The following HOMER1 variants were observed in gnomAD, a reference collection of about 807,000 sequenced individuals.
HOMER1 encodes the protein homer scaffold protein 1.
HOMER1 carries 3 observed loss-of-function variants against 48.9 expected under a neutral mutation model. The ratio of observed to expected loss-of-function variants is 0.06; its 90% CI spans 0.03 to 0.16. The LOEUF (loss-of-function observed/expected upper bound fraction) is 0.16. HOMER1 is among the 10% of genes least tolerant of loss of function. The pLI is 1.00. For synonymous variants in HOMER1, 134 were observed against 146.4 expected, an observed-to-expected ratio of 0.92 and a Z score of 0.61; for missense variants, 247 against 411.4, an observed-to-expected ratio of 0.60 and a Z score of 3.46.
intron 1 of HOMER1, among the ~76,000 whole-genome samples, chr5:79,490,388 A>T (rs188029143): frequency 6.6e-6 from 1 of 152,200 alleles, no homozygotes; most frequent in Non-Finnish European, 1.5e-5. Context: ...TTAATAAATA[A>T]GACCAAATCA....
At chr5:79,433,892 C>T (rs1313727649) in intron 5 of HOMER1, among the ~76,000 whole-genome samples, 1 of 152,130 alleles carries the variant, frequency 6.6e-6, no homozygotes, top group Non-Finnish European at 1.5e-5. Flanking sequence ...TTTCTGCATA[C>T]ATCCTTTAAT....
At chr5:79,492,302 G>A (rs1424333109) in intron 1 of HOMER1, among the ~76,000 whole-genome samples, 2 of 152,060 alleles carry the variant, frequency 1.3e-5, no homozygotes, top group African/African-American at 2.4e-5. Flanking sequence ...CAGTTACTTT[G>A]GGTGAAACTA....
chr5:79,379,208 T>G (rs1316178751), intron 8 of HOMER1, among the ~76,000 whole-genome samples: 9 of 107,980 alleles, frequency 8.3e-5, no homozygotes, highest in South Asian at 2.6e-4. Flanking sequence ...ATATATTATA[T>G]ATATTTTTAT....
At chr5:79,437,573 A>G (rs1289486595) in intron 5 of HOMER1, among the ~76,000 whole-genome samples, 1 of 152,200 alleles carries the variant, frequency 6.6e-6, no homozygotes. Flanking sequence ...CAATATATCT[A>G]CTGTTTTATG....
At chr5:79,402,160 TTTC>T in intron 5 of HOMER1, 105 bp from the exon 6 acceptor site, 1 of 987,274 alleles carries the variant, frequency 1.0e-6, no homozygotes, top group Non-Finnish European at 1.4e-6. Context: ...CTAAGAATGT[TTTC>T]TTTTCTTTTT....
At chr5:79,383,546 C>T (rs942409931) in intron 8 of HOMER1, among the ~76,000 whole-genome samples, 1 of 151,968 alleles carries the variant, frequency 6.6e-6, no homozygotes, top group African/African-American at 2.4e-5. Flanking sequence ...CCACCATGCC[C>T]GGCTCATTTT....
At chr5:79,412,832 T>C (rs781190494) in intron 5 of HOMER1, among the ~76,000 whole-genome samples, 1 of 152,188 alleles carries the variant, frequency 6.6e-6, no homozygotes, top group African/African-American at 2.4e-5. Flanking sequence ...ATGACACAGA[T>C]GTTGGAATTA....
intron 3 of HOMER1, among the ~76,000 whole-genome samples, chr5:79,448,657 C>T (rs1750951171): frequency 6.6e-6 from 1 of 152,122 alleles, no homozygotes; most frequent in Non-Finnish European, 1.5e-5. Flanking sequence ...ACTGATAAAA[C>T]AAGCTAGAAT....
At chr5:79,443,429 A>G (rs1033777187) in intron 4 of HOMER1, among the ~76,000 whole-genome samples, 2 of 152,146 alleles carry the variant, frequency 1.3e-5, no homozygotes, top group Non-Finnish European at 2.9e-5. Flanking sequence ...CTGGGAGTGG[A>G]GCTCACCGAT....
Position 79,447,034 on chromosome 5 carries a change from A to C in HOMER1, c.387+19T>G. On this transcript the variant is annotated intron_variant, in intron 4 of 8. Transcript: ENST00000334082. The stretch of plus-strand genomic sequence containing the variant: ...AAATGAACAAGGTTCATAATTAAGA[A>C]TAGAAATGATATACCCACCTGTGAA... The C allele has an allele frequency of 7.3e-7, 1 of 1,376,898 alleles. No individual in the cohort carries two copies. Among genetic ancestry groups the C allele is most frequent in the Non-Finnish European group, 1.0e-6 (1 of 963,960 alleles). The allele number at this position is 1,376,898 out of a possible 1,614,324, so 85.3% of individuals were successfully genotyped here. A position where few individuals can be genotyped will look rare whatever the true frequency, so the allele number is the denominator to read the frequency against.
intron 5 of HOMER1, among the ~76,000 whole-genome samples, chr5:79,416,131 A>G (rs545484524): frequency 2.2e-4 from 33 of 152,360 alleles, no homozygotes; most frequent in African/African-American, 7.2e-4. Context: ...AATATTTTAA[A>G]GTGGCTCCTT....
At chr5:79,425,671 T>C (rs796329826) in intron 5 of HOMER1, among the ~76,000 whole-genome samples, 16 of 152,126 alleles carry the variant, frequency 1.1e-4, no homozygotes, top group African/African-American at 3.9e-4. Flanking sequence ...TGAAAAGATA[T>C]AACTACTAAT....
intron 5 of HOMER1, among the ~76,000 whole-genome samples, chr5:79,426,666 A>C (rs778723474): frequency 4.6e-5 from 7 of 152,132 alleles, no homozygotes; most frequent in Non-Finnish European, 8.8e-5. Context: ...TGGGAGATAA[A>C]AAGGGGTTGG....
chr5:79,454,737 C>G (rs943057294), intron 2 of HOMER1, among the ~76,000 whole-genome samples: 1 of 151,952 alleles, frequency 6.6e-6, no homozygotes, highest in South Asian at 2.1e-4. Flanking sequence ...AATGAGTACA[C>G]AGAAAAAACA....
In HOMER1 at chr5:79,494,545, T is replaced by C. The variant is rs561127815; in HGVS notation, c.5+18225A>G. On this transcript the variant is annotated intron_variant, in intron 1 of 8. Coordinates refer to ENST00000334082, the MANE Select transcript of HOMER1 (RefSeq NM_004272.5). ...ATTCAAGCCATTACTCTTGACTAAA[T>C]TGCTGCCATTAACCTATCTTGCAAT... Among the ~76,000 whole-genome samples, 9 of 152,356 alleles carry C rather than the reference T, an allele frequency of 5.9e-5. No individual in the cohort carries two copies. In the South Asian group the frequency reaches 1.4e-3, roughly 25 times the overall value.
intron 2 of HOMER1, among the ~76,000 whole-genome samples, chr5:79,455,396 T>G (rs1007008320): frequency 1.3e-5 from 2 of 152,158 alleles, no homozygotes; most frequent in African/African-American, 2.4e-5. Context: ...CCAATGCTGT[T>G]CTTGTGATAG....
chr5:79,409,731 CA>C (rs2112231729), intron 5 of HOMER1, among the ~76,000 whole-genome samples: 2 of 152,114 alleles, frequency 1.3e-5, no homozygotes, highest in African/African-American at 4.8e-5. Context: ...GACATTTTCC[CA>C]AAGAAGAGAA....
rs1430748220 is a variant in HOMER1, at chr5:79,513,663, C to G, written c.-889G>C. 6.6e-6 allele frequency: 1 copy of G among 152,310 alleles called. No homozygotes were observed. Among genetic ancestry groups the G allele is most frequent in the African/African-American group, 2.4e-5 (1 of 41,396 alleles). The allele number at this position is 152,310 out of a possible 1,614,324, so 9.4% of individuals were successfully genotyped here. On this transcript the variant is annotated 5_prime_UTR_variant, in exon 1 of 9. Coordinates refer to ENST00000334082, the MANE Select transcript of HOMER1 (RefSeq NM_004272.5). Reference sequence around the variant, plus strand: ...GCGGCTGCCCCCTCTTCCCTCCTCTCTTCAGAGCACAGCGGGTCTGAGGCT... The same window carrying G: ...GCGGCTGCCCCCTCTTCCCTCCTCTGTTCAGAGCACAGCGGGTCTGAGGCT...
intron 4 of HOMER1, among the ~76,000 whole-genome samples, chr5:79,444,031 T>C (rs1403310701): frequency 6.6e-6 from 1 of 152,220 alleles, no homozygotes; most frequent in East Asian, 1.9e-4. Flanking sequence ...ACAAAAGCTT[T>C]GACCAACCAA....
Sources: gnomAD v4.1 joint callset for allele counts (sites outside exome capture counted in the v4.1 genomes callset) on GRCh38, gnomAD v4.1.1 for gene constraint, MANE v1.5 for transcripts, NCBI Gene and HGNC (gene_info 2026-07-23, HGNC 2026-07-21) for gene names.